RBPJ: variants seen among roughly 807,000 people sequenced by gnomAD.
RBPJ encodes the protein recombining binding protein suppressor of hairless.
In RBPJ, 9 loss-of-function variants were observed where a neutral mutation model predicts 67.8. The ratio of observed to expected loss-of-function variants is 0.13; its 90% CI spans 0.08 to 0.23. RBPJ has a LOEUF of 0.23. Among genes scored for constraint, RBPJ ranks in the 10% least tolerant of loss-of-function variants. The pLI, the probability that RBPJ is intolerant of heterozygous loss-of-function variation, is 1.00. For synonymous variants in RBPJ, 198 were observed against 203.3 expected (o/e 0.97, Z 0.22); for missense variants, 305 against 595.6 (o/e 0.51, Z 5.08).
At chr4:26,261,477 G>A (rs1464323616) in intron 1 of RBPJ, among the ~76,000 whole-genome samples, 1 of 152,156 alleles carries the variant, frequency 6.6e-6, no homozygotes, top group Non-Finnish European at 1.5e-5. Flanking sequence ...AAAGGTAAGA[G>A]AACTGAGAAA....
chr4:26,109,495 C>T, the RBPJ span, among the ~76,000 whole-genome samples: 11 of 76,890 alleles, frequency 1.4e-4, no homozygotes, highest in East Asian at 3.2e-4. Context: ...TATATATACA[C>T]ACACACATAT....
rs573257006 is a variant in RBPJ at position 26,199,541 on chromosome 4, C to G, written c.-167+35927C>G. 1.2e-4 allele frequency among the ~76,000 whole-genome samples: 18 copies of G among 152,276 alleles called. 1 individual carries two copies. In the South Asian group the frequency reaches 3.7e-3, roughly 32 times the overall value. Reference sequence around the variant, plus strand: ...CCTCTGTGGGGCAATTCTTCGAGGTCAGTAGAAACTAAAAGTCTAGATTGA... The same window carrying G: ...CCTCTGTGGGGCAATTCTTCGAGGTGAGTAGAAACTAAAAGTCTAGATTGA... On this transcript the variant is annotated intron_variant, in intron 1 of 4. Transcript: ENST00000512351.
downstream of RBPJ, chr4:26,435,094 A>G (rs575463287): frequency 1.3e-5 from 2 of 152,296 alleles, no homozygotes; most frequent in South Asian, 2.1e-4. Context: ...GTTTTTAACT[A>G]TATAGTGCTT....
intron 1 of RBPJ, among the ~76,000 whole-genome samples, chr4:26,336,859 A>G (rs993032569): frequency 1.3e-5 from 2 of 152,212 alleles, no homozygotes; most frequent in African/African-American, 2.4e-5. Flanking sequence ...TATCCTTTCA[A>G]AGTTAAAAAT....
intron 1 of RBPJ, chr4:26,359,733 C>A (rs1309690693): frequency 6.6e-6 from 1 of 152,256 alleles, no homozygotes; most frequent in African/African-American, 2.4e-5. Flanking sequence ...CCAGGAGCTC[C>A]GCGGTTGCCG....
intron 1 of RBPJ, among the ~76,000 whole-genome samples, chr4:26,193,961 C>A (rs984186402): frequency 3.9e-5 from 6 of 152,200 alleles, no homozygotes; most frequent in African/African-American, 1.4e-4. Context: ...AGCCTCTCTC[C>A]CTCACACATC....
the RBPJ span, among the ~76,000 whole-genome samples, chr4:26,109,460 CTATATA>C: frequency 0.017 from 244 of 14,656 alleles, 13 homozygotes; most frequent in Middle Eastern, 0.056. Flanking sequence ...CTCTCTCTCT[CTATATA>C]TATATATATA....
chr4:26,108,364 A>G, the RBPJ span, among the ~76,000 whole-genome samples: 1 of 152,244 alleles, frequency 6.6e-6, no homozygotes, highest in Non-Finnish European at 1.5e-5. Flanking sequence ...GCTGAGAATC[A>G]GTGGGCAGTT....
At chr4:26,317,625 T>TG (rs1051123287), upstream of RBPJ, among the ~76,000 whole-genome samples, 10 of 151,874 alleles carry the variant, frequency 6.6e-5, no homozygotes, top group Admixed American at 1.3e-4. Context: ...TTAAACCAGG[T>TG]GGGAAATAAG....
At chr4:26,413,524 T>C (rs1734248660) in intron 3 of RBPJ, among the ~76,000 whole-genome samples, 1 of 152,242 alleles carries the variant, frequency 6.6e-6, no homozygotes, top group African/African-American at 2.4e-5. Flanking sequence ...ATCCCCAGTA[T>C]CTGTTACACA....
intron 1 of RBPJ, among the ~76,000 whole-genome samples, chr4:26,299,823 T>A (rs764857589): frequency 1.3e-5 from 2 of 151,796 alleles, no homozygotes; most frequent in Non-Finnish European, 2.9e-5. Flanking sequence ...GGATTACAGA[T>A]GCCTGCCACC....
At chr4:26,414,458 C>A (rs930490923) in intron 3 of RBPJ, among the ~76,000 whole-genome samples, 5 of 152,166 alleles carry the variant, frequency 3.3e-5, no homozygotes, top group Admixed American at 1.3e-4. Flanking sequence ...TATGGGTCAC[C>A]GCGCCCAGCC....
At position 26,299,542 on chromosome 4, in the gene RBPJ, CAT is replaced by C. The variant is rs140954908; in HGVS notation, c.-166-62903_-166-62902del. 3.9e-3 allele frequency among the ~76,000 whole-genome samples: 600 copies of C among 152,022 alleles called. 6 individuals are homozygous for C. Among genetic ancestry groups the C allele is most frequent in the African/African-American group, 0.014 (577 of 41,432 alleles). On this transcript the variant is annotated intron_variant, in intron 1 of 4. Transcript: ENST00000512351. ...CCTCTTAATCATCATAAAAATGCCTCATGTGGGAGAAAGAAAGGAAAAAGATT... is the reference window on the plus strand; with the variant it reads ...CCTCTTAATCATCATAAAAATGCCTCGTGGGAGAAAGAAAGGAAAAAGATT...
At chr4:26,299,043 G>C (rs371807223) in intron 1 of RBPJ, among the ~76,000 whole-genome samples, 2 of 152,062 alleles carry the variant, frequency 1.3e-5, no homozygotes, top group Non-Finnish European at 2.9e-5. Flanking sequence ...GTTTCTCTCC[G>C]ATTCCAAAAG....
At chr4:26,259,002 C>G (rs968398575) in intron 1 of RBPJ, among the ~76,000 whole-genome samples, 1 of 152,026 alleles carries the variant, frequency 6.6e-6, no homozygotes, top group African/African-American at 2.4e-5. Context: ...TGGGGTTTCA[C>G]CATGTTGGCC....
chr4:26,419,638 A>T (rs1468742577), intron 4 of RBPJ, among the ~76,000 whole-genome samples: 1 of 152,190 alleles, frequency 6.6e-6, no homozygotes, highest in Non-Finnish European at 1.5e-5. Flanking sequence ...AAAAAATATA[A>T]TTCGATACTT....
chr4:26,145,129 A>T, the RBPJ span, among the ~76,000 whole-genome samples: 5 of 151,362 alleles, frequency 3.3e-5, no homozygotes, highest in Non-Finnish European at 7.4e-5. Context: ...CAGCCTGTCA[A>T]GACCAATTGA....
chr4:26,123,751 C>G, the RBPJ span, among the ~76,000 whole-genome samples: 3 of 152,014 alleles, frequency 2.0e-5, no homozygotes, highest in African/African-American at 7.3e-5. Flanking sequence ...AACGAAGACA[C>G]AAACACACAC....
chr4:26,212,784 A>G (rs28709189), intron 1 of RBPJ, among the ~76,000 whole-genome samples: 86,398 of 151,832 alleles, frequency 0.57, 25,162 homozygotes, highest in East Asian at 0.86. Flanking sequence ...TTGGTCTTTC[A>G]GTATGAGATC....
Sources: gnomAD v4.1 joint callset for allele counts (sites outside exome capture counted in the v4.1 genomes callset) on GRCh38, gnomAD v4.1.1 for gene constraint, MANE v1.5 for transcripts, NCBI Gene and HGNC (gene_info 2026-07-23, HGNC 2026-07-21) for gene names.